Variants in WWOX observed in about 807,000 individuals in gnomAD.
WWOX encodes WW domain containing oxidoreductase.
Under a neutral mutation model 46.2 loss-of-function variants are expected in WWOX, and 69 were observed. The ratio of observed to expected loss-of-function variants is 1.49; its 90% CI spans 1.23 to 1.82. The LOEUF is 1.82. WWOX is among the 40% of genes most tolerant of loss of function. The probability of loss-of-function intolerance (pLI) is 0.00; values close to 1 mark genes in which losing one functional copy is unlikely to be tolerated. For synonymous variants in WWOX, 359 were observed against 202.6 expected, an observed-to-expected ratio of 1.77 and a Z score of -6.56; for missense variants, 919 against 542.6, an observed-to-expected ratio of 1.69 and a Z score of -6.89.
At chr16:78,880,817 G>A (rs540175255) in intron 8 of WWOX, among the ~76,000 whole-genome samples, 1 of 152,238 alleles carries the variant, frequency 6.6e-6, no homozygotes, top group South Asian at 2.1e-4. Context: ...CAACATGGGA[G>A]TATGTTTCTA....
intron 8 of WWOX, among the ~76,000 whole-genome samples, chr16:78,817,360 C>G (rs11643569): frequency 9.2e-5 from 14 of 152,132 alleles, no homozygotes; most frequent in Admixed American, 7.8e-4. Context: ...GAAGGCATTT[C>G]TCCTATTCCT....
intron 8 of WWOX, among the ~76,000 whole-genome samples, chr16:78,661,494 A>AT (rs2047211839): frequency 1.3e-5 from 2 of 152,074 alleles, no homozygotes; most frequent in Admixed American, 1.3e-4. Context: ...ATTTGTCTGG[A>AT]TTTGATCATT....
intron 8 of WWOX, among the ~76,000 whole-genome samples, chr16:78,863,147 GGGGTTTCACCATGTT>G (rs937094803): frequency 9.2e-5 from 14 of 151,826 alleles, no homozygotes; most frequent in Non-Finnish European, 1.6e-4. Context: ...TAATAGAGAT[GGGGTTTCACCATGTT>G]GGCCAGACTG....
chr16:78,323,155 T>G (rs1395701786), intron 5 of WWOX, among the ~76,000 whole-genome samples: 1 of 152,156 alleles, frequency 6.6e-6, no homozygotes, highest in Non-Finnish European at 1.5e-5. Context: ...TTGCCCAGGC[T>G]GGAGTACAGT....
In WWOX at chr16:79,019,186, G is replaced by C. The variant is rs201576876; in HGVS notation, c.1057-192422G>C. Among the ~76,000 whole-genome samples, 7 of 47,042 alleles carry C rather than the reference G, an allele frequency of 1.5e-4. 1 individual carries two copies. The Admixed American group carries it at 1.6e-3, about 11-fold the overall frequency. 30.9% of individuals were successfully genotyped at this position (47,042 alleles called of 152,430 possible). A position where few individuals can be genotyped will look rare whatever the true frequency, so the allele number is the denominator to read the frequency against. ...AAAAAAAAAAAAAAAAAAAAAAAAA[G>C]AAAAAAAAAAGTTGGAATGACATCA... On this transcript the variant is annotated intron_variant, in intron 8 of 8. Coordinates refer to ENST00000566780, the MANE Select transcript of WWOX (RefSeq NM_016373.4).
intron 8 of WWOX, among the ~76,000 whole-genome samples, chr16:78,712,361 G>C (rs972966425): frequency 6.6e-6 from 1 of 152,094 alleles, no homozygotes; most frequent in Non-Finnish European, 1.5e-5. Flanking sequence ...AATTAGCTGG[G>C]CATAGTGTTG....
chr16:79,006,865 T>C (rs1342214414), intron 8 of WWOX, among the ~76,000 whole-genome samples: 1 of 152,210 alleles, frequency 6.6e-6, no homozygotes, highest in African/African-American at 2.4e-5. Flanking sequence ...TCAGATTCCC[T>C]CTTCCGCTTT....
At chr16:78,376,495 C>A (rs935395726) in intron 5 of WWOX, among the ~76,000 whole-genome samples, 15 of 152,100 alleles carry the variant, frequency 9.9e-5, no homozygotes, top group African/African-American at 3.6e-4. Flanking sequence ...ATTTGTAATA[C>A]AATGAACCAG....
chr16:79,053,789 T>C (rs1044720218), intron 8 of WWOX, among the ~76,000 whole-genome samples: 1 of 152,176 alleles, frequency 6.6e-6, no homozygotes. Context: ...CCATTAATCC[T>C]GGAGCCTCTG....
intron 5 of WWOX, among the ~76,000 whole-genome samples, chr16:78,360,600 G>T (rs865912183): frequency 2.5e-5 from 1 of 40,556 alleles, no homozygotes. Flanking sequence ...AAAAAAAAAA[G>T]TTGCAGAAAT....
chr16:79,068,820 C>CAATAATAATAAT (rs61494401), intron 8 of WWOX, among the ~76,000 whole-genome samples: 6 of 138,554 alleles, frequency 4.3e-5, no homozygotes, highest in Admixed American at 1.5e-4. Context: ...CAAAAAAACC[C>CAATAATAATAAT]AATAATAATA....
intron 8 of WWOX, among the ~76,000 whole-genome samples, chr16:79,131,575 G>T (rs1428664959): frequency 6.6e-6 from 1 of 152,176 alleles, no homozygotes. Flanking sequence ...ACTCTTGAAT[G>T]ATGGTGTATT....
intron 8 of WWOX, among the ~76,000 whole-genome samples, chr16:78,470,123 T>C (rs576139297): frequency 7.0e-4 from 106 of 152,324 alleles, no homozygotes; most frequent in Non-Finnish European, 1.2e-3. Context: ...CAAGCTCTTT[T>C]CATCTTGTGG....
At chr16:78,578,282 A>ATTTTTTTTTTTTTTTTTTTTTTTTT (rs1227489730) in intron 8 of WWOX, among the ~76,000 whole-genome samples, 1 of 34,220 alleles carries the variant, frequency 2.9e-5, no homozygotes, top group African/African-American at 1.4e-4. Context: ...ATATATATAT[A>ATTTTTTTTTTTTTTTTTTTTTTTTT]TATTTTTTTT....
rs1436796387 is a variant in WWOX at position 79,211,618 on chromosome 16, C to T, written c.1067C>T (p.Ala356Val). 6 of 1,614,198 alleles carry T rather than the reference C, an allele frequency of 3.7e-6. No individual in the cohort carries two copies. Among genetic ancestry groups the T allele is most frequent in the Non-Finnish European group, 5.1e-6 (6 of 1,180,042 alleles). ...TTCTTGGATTTCCAGCAACAGGGAG[C>T]TGCCACCACCGTGTACTGTGCTGCT... ...RPFTKSMQQG[A>V]ATTVYCAAVP... The change falls in exon 9 of 9, where the codon GCT becomes GTT. Residue 356 changes from alanine (A) to valine (V), a missense_variant. Physicochemically the swap from Ala to Val is moderately conservative, Grantham distance 64 (BLOSUM62 0). Transcript: ENST00000566780.
intron 5 of WWOX, among the ~76,000 whole-genome samples, chr16:78,177,452 C>G (rs982961831): frequency 1.3e-5 from 2 of 152,128 alleles, no homozygotes; most frequent in African/African-American, 4.8e-5. Flanking sequence ...GATGGTCTCC[C>G]CACGTGCTTT....
chr16:78,593,197 C>G (rs531662808), intron 8 of WWOX, among the ~76,000 whole-genome samples: 5 of 131,286 alleles, frequency 3.8e-5, no homozygotes, highest in South Asian at 2.5e-4. Flanking sequence ...TTGAGGATCA[C>G]TTGATCCTGA....
intron 8 of WWOX, among the ~76,000 whole-genome samples, chr16:78,832,792 C>A (rs895546362): frequency 6.6e-6 from 1 of 152,136 alleles, no homozygotes; most frequent in African/African-American, 2.4e-5. Flanking sequence ...ACAGAGGAAA[C>A]CTTGAGCTTC....
chr16:78,517,533 C>G (rs371814625), intron 8 of WWOX, among the ~76,000 whole-genome samples: 5 of 152,246 alleles, frequency 3.3e-5, no homozygotes, highest in African/African-American at 1.2e-4. Flanking sequence ...ATGTGGGATT[C>G]AACAGGGGAT....
Sources: gnomAD v4.1 joint callset for allele counts (sites outside exome capture counted in the v4.1 genomes callset) on GRCh38, gnomAD v4.1.1 for gene constraint, MANE v1.5 for transcripts, NCBI Gene and HGNC (gene_info 2026-07-23, HGNC 2026-07-21) for gene names.